PSKH1: variants seen among roughly 807,000 people sequenced by gnomAD.
PSKH1 encodes the protein serine/threonine-protein kinase H1.
In PSKH1, 12 loss-of-function variants were observed where a neutral mutation model predicts 26.7. The observed-to-expected ratio is 0.45, with a 90% confidence interval of 0.29 to 0.73. PSKH1 has a LOEUF of 0.73. Among genes scored for constraint, PSKH1 ranks in the 30% least tolerant of loss-of-function variants. The pLI is 0.11. For synonymous variants in PSKH1, 213 were observed against 234.3 expected (o/e 0.91, Z 0.83); for missense variants, 431 against 595.2 (o/e 0.72, Z 2.87).
chr16:67,929,241 T>G lies in PSKH1; in HGVS notation c.*1599T>G, dbSNP rs1375692231. On this transcript the variant is annotated 3_prime_UTR_variant, in exon 3 of 3. Transcript: ENST00000291041. ...AGGAGGGTTTGGTTCCCACTCAGCT[T>G]CTGCCGGTCGGCAGCCTGGGCCAGG... 1 of 152,524 alleles carries G rather than the reference T, an allele frequency of 6.6e-6. No homozygotes were observed. The highest frequency in any genetic ancestry group is 2.4e-5 in the African/African-American group (1 of 41,464). 9.4% of individuals were successfully genotyped at this position (152,524 alleles called of 1,614,324 possible). A position where few individuals can be genotyped will look rare whatever the true frequency, so the allele number is the denominator to read the frequency against.
At chr16:67,912,305 T>C (rs2058175596) in intron 2 of PSKH1, among the ~76,000 whole-genome samples, 2 of 152,182 alleles carry the variant, frequency 1.3e-5, no homozygotes, top group Non-Finnish European at 2.9e-5. Context: ...CCAGTCTAAT[T>C]AGATTTGACT....
intron 1 of PSKH1, among the ~76,000 whole-genome samples, chr16:67,897,120 A>G (rs1490733358): frequency 6.6e-6 from 1 of 152,198 alleles, no homozygotes; most frequent in East Asian, 1.9e-4. Flanking sequence ...GCTTCAGGAT[A>G]GCTGAGAACA....
At chr16:67,912,793 A>AT in intron 2 of PSKH1, among the ~76,000 whole-genome samples, 1 of 152,072 alleles carries the variant, frequency 6.6e-6, no homozygotes, top group East Asian at 1.9e-4. Flanking sequence ...ACTTGAACCC[A>AT]TGAGGCAGAG....
At chr16:67,919,555 A>G (rs955841158) in intron 2 of PSKH1, among the ~76,000 whole-genome samples, 8 of 152,204 alleles carry the variant, frequency 5.3e-5, no homozygotes, top group African/African-American at 1.9e-4. Context: ...GGGAAAAGCC[A>G]TCCCCACTTC....
intron 2 of PSKH1, among the ~76,000 whole-genome samples, chr16:67,916,734 G>A (rs1024060746): frequency 1.3e-5 from 2 of 152,154 alleles, no homozygotes; most frequent in Non-Finnish European, 2.9e-5. Context: ...GGGCAGATCA[G>A]GGATCCCAGG....
At chr16:67,905,461 T>A (rs1258780660) in intron 1 of PSKH1, among the ~76,000 whole-genome samples, 1 of 152,206 alleles carries the variant, frequency 6.6e-6, no homozygotes, top group African/African-American at 2.4e-5. Context: ...GCTTCAAAAT[T>A]CAGCATAGAG....
At chr16:67,923,646 A>G (rs1307401415) in intron 2 of PSKH1, among the ~76,000 whole-genome samples, 1 of 152,206 alleles carries the variant, frequency 6.6e-6, no homozygotes, top group African/African-American at 2.4e-5. Context: ...AGCAGGTGGA[A>G]GCCTCAGAGA....
chr16:67,895,045 C>G (rs1453902364), intron 1 of PSKH1, among the ~76,000 whole-genome samples: 1 of 150,702 alleles, frequency 6.6e-6, no homozygotes. Context: ...TGCCTCAGCC[C>G]CCAGAGTAGC....
At chr16:67,915,576 G>C (rs2058185686) in intron 2 of PSKH1, among the ~76,000 whole-genome samples, 1 of 152,168 alleles carries the variant, frequency 6.6e-6, no homozygotes, top group East Asian at 1.9e-4. Context: ...ATAAACATCA[G>C]GAGTCTGAGA....
At chr16:67,921,880 G>A (rs994215318) in intron 2 of PSKH1, among the ~76,000 whole-genome samples, 1 of 151,924 alleles carries the variant, frequency 6.6e-6, no homozygotes, top group Non-Finnish European at 1.5e-5. Flanking sequence ...GGGGGCACAC[G>A]ATTTCATTTT....
intron 1 of PSKH1, among the ~76,000 whole-genome samples, chr16:67,896,467 T>C (rs888764525): frequency 2.0e-5 from 3 of 151,966 alleles, no homozygotes; most frequent in African/African-American, 7.3e-5. Context: ...TGTAGGAAGC[T>C]GCTTTGTATT....
chr16:67,918,780 C>T (rs907223010), intron 2 of PSKH1, among the ~76,000 whole-genome samples: 2 of 151,870 alleles, frequency 1.3e-5, no homozygotes, highest in East Asian at 1.9e-4. Flanking sequence ...TTAGTAGAGA[C>T]GGGGTTTTAC....
intron 1 of PSKH1, among the ~76,000 whole-genome samples, chr16:67,907,201 G>A (rs1043064123): frequency 4.0e-5 from 6 of 151,584 alleles, no homozygotes; most frequent in African/African-American, 1.5e-4. Context: ...CTGACCTTGT[G>A]ATCCGCCCGC....
intron 1 of PSKH1, among the ~76,000 whole-genome samples, chr16:67,893,603 CGTCTCCAGGCCCGCTT>C (rs1274327193): frequency 6.6e-6 from 1 of 152,254 alleles, no homozygotes; most frequent in East Asian, 1.9e-4. Context: ...CTGGATAGCC[CGTCTCCAGGCCCGCTT>C]GGGCCTGGTG....
Position 67,928,374 on chromosome 16 carries a change from A to G in PSKH1, c.*732A>G. The G allele has an allele frequency of 6.5e-6, 1 of 152,884 alleles. No homozygotes were observed. The highest frequency in any genetic ancestry group is 1.5e-5 in the Non-Finnish European group (1 of 68,218). The allele number at this position is 152,884 out of a possible 1,614,324, so 9.5% of individuals were successfully genotyped here. A position where few individuals can be genotyped will look rare whatever the true frequency, so the allele number is the denominator to read the frequency against. On this transcript the variant is annotated 3_prime_UTR_variant, in exon 3 of 3. Coordinates refer to ENST00000291041, the MANE Select transcript of PSKH1 (RefSeq NM_006742.3). This position sits in a 1 kb window ranked among gnomAD's most constrained non-coding sequence, Gnocchi z 4.8. ...GCCTCTCCAGATTCTGAGGGGTCTC[A>G]GCCCACCGCCCTTGGTGCCTTCTTT... is the stretch of plus-strand genomic sequence containing the variant.
intron 2 of PSKH1, among the ~76,000 whole-genome samples, chr16:67,915,785 T>C (rs2058186180): frequency 6.6e-6 from 1 of 152,152 alleles, no homozygotes; most frequent in African/African-American, 2.4e-5. Flanking sequence ...CTTTTATAGC[T>C]CTATCCCAGG....
chr16:67,911,175 AT>A (rs1052990229), intron 2 of PSKH1, among the ~76,000 whole-genome samples: 3 of 152,158 alleles, frequency 2.0e-5, no homozygotes, highest in African/African-American at 7.2e-5. Context: ...GGATGACAAG[AT>A]TTTGCCAAGG....
At chr16:67,925,868 G>A (rs2075293825) in intron 2 of PSKH1, among the ~76,000 whole-genome samples, 1 of 152,186 alleles carries the variant, frequency 6.6e-6, no homozygotes, top group African/African-American at 2.4e-5. Flanking sequence ...ATCCCTCTGT[G>A]GCAGTGGGGA....
intron 1 of PSKH1, among the ~76,000 whole-genome samples, chr16:67,901,418 G>A (rs954699293): frequency 2.0e-5 from 3 of 151,468 alleles, no homozygotes; most frequent in African/African-American, 7.3e-5. Context: ...TGCAACCTCC[G>A]CCTCCTGGGT....
Sources: gnomAD v4.1 joint callset for allele counts (sites outside exome capture counted in the v4.1 genomes callset) on GRCh38, gnomAD v4.1.1 for gene constraint, Gnocchi (gnomAD v3.1) non-coding constraint, MANE v1.5 for transcripts, NCBI Gene and HGNC (gene_info 2026-07-23, HGNC 2026-07-21) for gene names.